PCBP3: variants seen among roughly 807,000 people sequenced by gnomAD.
The protein encoded by PCBP3 is poly(rC)-binding protein 3.
Under a neutral mutation model 52.7 loss-of-function variants are expected in PCBP3, and 25 were observed. The ratio of observed to expected loss-of-function variants is 0.47; its 90% confidence interval spans 0.35 to 0.66. The LOEUF (loss-of-function observed/expected upper bound fraction) is 0.66. PCBP3 is among the 30% of genes least tolerant of loss of function. The pLI is 0.01. For missense variants in PCBP3, 391 were observed against 490.3 expected, an observed-to-expected ratio of 0.80 and a Z score of 1.91; for synonymous variants, 162 against 183.0, an observed-to-expected ratio of 0.89 and a Z score of 0.93.
chr21:45,784,281 C>T (rs1472135297), intron 4 of PCBP3, among the ~76,000 whole-genome samples: 1 of 152,016 alleles, frequency 6.6e-6, no homozygotes, highest in African/African-American at 2.4e-5. Flanking sequence ...ACATTTCACT[C>T]CTACCTGTGT....
chr21:45,906,239 C>G (rs2096200763), intron 9 of PCBP3, among the ~76,000 whole-genome samples: 1 of 152,148 alleles, frequency 6.6e-6, no homozygotes, highest in African/African-American at 2.4e-5. Context: ...GAATGGACAG[C>G]AAAGTTGTGT....
chr21:45,726,660 G>T (rs560485821), intron 2 of PCBP3, among the ~76,000 whole-genome samples: 1 of 152,312 alleles, frequency 6.6e-6, no homozygotes, highest in African/African-American at 2.4e-5. Flanking sequence ...TCTCCCGCCT[G>T]AGGCCTGCCT....
intron 13 of PCBP3, among the ~76,000 whole-genome samples, chr21:45,920,311 G>C (rs1485500660): frequency 6.6e-6 from 1 of 152,212 alleles, no homozygotes; most frequent in Non-Finnish European, 1.5e-5. Context: ...AATTTCCAGA[G>C]GCCGTGGCTG....
intron 5 of PCBP3, chr21:45,859,614 GA>G (rs1184810716): frequency 6.6e-6 from 1 of 152,286 alleles, no homozygotes; most frequent in Non-Finnish European, 1.5e-5. Flanking sequence ...CCCTCTTGGA[GA>G]AACCACTAGG....
At chr21:45,894,349 C>T (rs2095765044) in intron 5 of PCBP3, among the ~76,000 whole-genome samples, 1 of 152,130 alleles carries the variant, frequency 6.6e-6, no homozygotes, top group African/African-American at 2.4e-5. Flanking sequence ...CCTGCTGTCC[C>T]TCTGATGGGG....
chr21:45,810,417 C>T (rs1372447903), intron 4 of PCBP3, among the ~76,000 whole-genome samples: 1 of 150,270 alleles, frequency 6.7e-6, no homozygotes, highest in Admixed American at 6.7e-5. Context: ...AGTACACCAT[C>T]ATGCCTGGCT....
At chr21:45,894,639 C>G (rs4819165) in intron 5 of PCBP3, among the ~76,000 whole-genome samples, 14,392 of 152,308 alleles carry the variant, frequency 0.094, 910 homozygotes, top group Middle Eastern at 0.15. Flanking sequence ...GCTGTCCGCG[C>G]TGCCAGAAAT....
chr21:45,755,284 A>G (rs1375565157), intron 3 of PCBP3, among the ~76,000 whole-genome samples, 133 bp from the exon 4 acceptor site: 2 of 152,220 alleles, frequency 1.3e-5, no homozygotes, highest in Non-Finnish European at 2.9e-5. Flanking sequence ...TTTGATAAAT[A>G]TGCCACAATT....
chr21:45,898,028 A>G (rs1272233794), intron 6 of PCBP3, among the ~76,000 whole-genome samples: 1 of 152,076 alleles, frequency 6.6e-6, no homozygotes, highest in Non-Finnish European at 1.5e-5. Flanking sequence ...TTCCGGGAAG[A>G]CACGGCCTCC....
chr21:45,836,523 GCTTGCAGTA>G (rs2093592817), intron 4 of PCBP3: 1 of 149,428 alleles, frequency 6.7e-6, no homozygotes, highest in Non-Finnish European at 1.5e-5. Flanking sequence ...CGGCTCCTCT[GCTTGCAGTA>G]CTTGGCTGCA....
chr21:45,938,898 G>GA (rs904465424), intron 16 of PCBP3, among the ~76,000 whole-genome samples: 39 of 152,322 alleles, frequency 2.6e-4, no homozygotes, highest in African/African-American at 9.1e-4. Context: ...TCCCACCATG[G>GA]AGCTGCTGCT....
intron 2 of PCBP3, among the ~76,000 whole-genome samples, chr21:45,706,363 G>T (rs957536631): frequency 1.3e-5 from 2 of 152,150 alleles, no homozygotes; most frequent in Non-Finnish European, 2.9e-5. Flanking sequence ...TCTGGCTGAC[G>T]TTACAGTATG....
chr21:45,825,004 T>A (rs191309009), intron 4 of PCBP3, among the ~76,000 whole-genome samples: 1 of 152,322 alleles, frequency 6.6e-6, no homozygotes, highest in East Asian at 1.9e-4. Context: ...TTGACAAGCC[T>A]GCAAGCCCTG....
chr21:45,910,293 C>T (rs1304818797), intron 10 of PCBP3, among the ~76,000 whole-genome samples: 3 of 148,968 alleles, frequency 2.0e-5, no homozygotes, highest in South Asian at 2.2e-4. Flanking sequence ...TCCTATGGGC[C>T]GTGCTGGGGA....
At chr21:45,894,107 A>G in intron 5 of PCBP3, 5 of 892,292 alleles carry the variant, frequency 5.6e-6, no homozygotes, top group Non-Finnish European at 6.7e-6. Flanking sequence ...TGCTGACTGG[A>G]GCAGGGTAGG....
chr21:45,651,798 A>G (rs1476791537), intron 1 of PCBP3, among the ~76,000 whole-genome samples: 2 of 152,234 alleles, frequency 1.3e-5, no homozygotes, highest in Admixed American at 1.3e-4. Flanking sequence ...GTCCTTTTCT[A>G]CCTAACCATC....
At chr21:45,849,853 G>A (rs1407713897) in intron 4 of PCBP3, 108 bp from the exon 5 acceptor site, 4 of 566,042 alleles carry the variant, frequency 7.1e-6, no homozygotes, top group Non-Finnish European at 9.6e-6. Flanking sequence ...ATGCTGAAGA[G>A]GTGTTGACTG....
At chr21:45,863,726 C>T (rs1450150614) in intron 5 of PCBP3, among the ~76,000 whole-genome samples, 1 of 152,154 alleles carries the variant, frequency 6.6e-6, no homozygotes, top group Non-Finnish European at 1.5e-5. Flanking sequence ...CAAACCTGAT[C>T]GTTCCCAGCC....
intron 5 of PCBP3, among the ~76,000 whole-genome samples, chr21:45,884,635 A>G (rs1603465194): frequency 6.6e-6 from 1 of 152,124 alleles, no homozygotes; most frequent in South Asian, 2.1e-4. Context: ...ATCATGGCTC[A>G]CTGCAGCCTC....
Sources: allele counts gnomAD v4.1 joint callset (sites outside exome capture counted in the v4.1 genomes callset), GRCh38; gene constraint gnomAD v4.1.1; transcripts MANE v1.5; gene names NCBI Gene and HGNC (gene_info 2026-07-23, HGNC 2026-07-21).